PCDHGB6: variants seen among roughly 807,000 people sequenced by gnomAD.
PCDHGB6 encodes the protein protocadherin gamma-B6.
PCDHGB6 carries 51 observed loss-of-function variants against 59.1 expected under a neutral mutation model. The ratio of observed to expected loss-of-function variants is 0.86; its 90% CI spans 0.69 to 1.09. The LOEUF (loss-of-function observed/expected upper bound fraction) is 1.09. Ranked by LOEUF, PCDHGB6 falls within the 50% of genes least tolerant of loss-of-function variation. The probability of loss-of-function intolerance (pLI) is 0.00; values close to 1 mark genes in which losing one functional copy is unlikely to be tolerated. For missense variants in PCDHGB6, 1,148 were observed against 1,205.1 expected (o/e 0.95, Z 0.70); for synonymous variants, 466 against 495.1 (o/e 0.94, Z 0.78).
At position 141,485,135 on chromosome 5, in the gene PCDHGB6, G is replaced by A; in HGVS notation, c.2419-9672G>A. 6.7e-7 allele frequency: 1 copy of A among 1,500,498 alleles called. No individual in the cohort carries two copies. Among genetic ancestry groups the A allele is most frequent in the East Asian group, 2.3e-5 (1 of 44,254 alleles). 92.9% of individuals were successfully genotyped at this position (1,500,498 alleles called of 1,614,324 possible). A position where few individuals can be genotyped will look rare whatever the true frequency, so the allele number is the denominator to read the frequency against. On this transcript the variant is annotated intron_variant, in intron 1 of 3. Coordinates refer to ENST00000520790, the MANE Select transcript of PCDHGB6 (RefSeq NM_018926.3). The surrounding 1 kb of genome is among the most constrained non-coding windows in gnomAD (Gnocchi z 5.7). ...TGTTTGGGGCGGGTCGGCTTCATCCGCGTCTCAGGAGCAAGTAGAGAATTA... is the reference window on the plus strand; with the variant it reads ...TGTTTGGGGCGGGTCGGCTTCATCCACGTCTCAGGAGCAAGTAGAGAATTA...
intron 1 of PCDHGB6, chr5:141,484,875 T>G: frequency 3.2e-6 from 1 of 317,108 alleles, no homozygotes; most frequent in Non-Finnish European, 5.8e-6. Context: ...GCGTGGAGGA[T>G]AGGGTGGGCT....
intron 1 of PCDHGB6, among the ~76,000 whole-genome samples, chr5:141,484,319 C>T (rs1191113560): frequency 6.6e-6 from 1 of 152,212 alleles, no homozygotes; most frequent in Non-Finnish European, 1.5e-5. Context: ...CGCTTCCATA[C>T]TGTCCTTGAA....
intron 2 of PCDHGB6, among the ~76,000 whole-genome samples, chr5:141,500,027 G>C (rs1458308566): frequency 6.6e-6 from 1 of 151,808 alleles, no homozygotes; most frequent in Non-Finnish European, 1.5e-5. Flanking sequence ...ATATTTGAGT[G>C]AGTGTCTCTT....
At chr5:141,416,761 C>G (rs1371541017) in intron 1 of PCDHGB6, 2 of 152,140 alleles carry the variant, frequency 1.3e-5, no homozygotes, top group Non-Finnish European at 2.9e-5. Context: ...AGGTAGATCT[C>G]TTAATTTTAT....
chr5:141,431,724 T>G lies in PCDHGB6; in HGVS notation c.2418+21104T>G, dbSNP rs758754345. On this transcript the variant is annotated intron_variant, in intron 1 of 3. Transcript: ENST00000520790. The surrounding 1 kb of genome is among the most constrained non-coding windows in gnomAD (Gnocchi z 4.8). ...TTCTACCAGATGGAAGTGCAAGCAA[T>G]GGATAATGCAGGATATTCTGCGCGA... 1 of 1,614,036 alleles carries G rather than the reference T, an allele frequency of 6.2e-7. No individual in the cohort carries two copies. Among genetic ancestry groups the G allele is most frequent in the Non-Finnish European group, 8.5e-7 (1 of 1,180,036 alleles).
rs192747939 is a variant in PCDHGB6 at position 141,487,483 on chromosome 5, T to C, written c.2419-7324T>C. 12 of 1,614,224 alleles carry C rather than the reference T, an allele frequency of 7.4e-6. No individual in the cohort carries two copies. In the Admixed American group the frequency reaches 1.8e-4, roughly 25 times the overall value. On this transcript the variant is annotated intron_variant, in intron 1 of 3. Coordinates refer to ENST00000520790, the MANE Select transcript of PCDHGB6 (RefSeq NM_018926.3). This position sits in a 1 kb window ranked among gnomAD's most constrained non-coding sequence, Gnocchi z 5.0. ...TTGTTGATGTGGGAGGCCACTCTCA[T>C]GGCTGTACACCCTTGGCTTCTGCAC... is the stretch of plus-strand genomic sequence containing the variant.
chr5:141,447,966 A>C (rs2098556806), intron 1 of PCDHGB6, among the ~76,000 whole-genome samples: 1 of 151,922 alleles, frequency 6.6e-6, no homozygotes, highest in Non-Finnish European at 1.5e-5. Context: ...GACACCTATA[A>C]TCCCAGCTAC....
chr5:141,458,972 GTCC>G (rs2154566422), intron 1 of PCDHGB6, among the ~76,000 whole-genome samples: 1 of 151,882 alleles, frequency 6.6e-6, no homozygotes, highest in East Asian at 1.9e-4. Context: ...GCCTCAAGCA[GTCC>G]TCCTGCCTCA....
intron 1 of PCDHGB6, among the ~76,000 whole-genome samples, chr5:141,457,938 G>A (rs915640623): frequency 6.6e-6 from 1 of 152,160 alleles, no homozygotes; most frequent in African/African-American, 2.4e-5. Flanking sequence ...GCTTTTATTG[G>A]CTCTGCATGT....
chr5:141,455,876 TTTA>T (rs1271603055), intron 1 of PCDHGB6, among the ~76,000 whole-genome samples: 2 of 146,624 alleles, frequency 1.4e-5, no homozygotes, highest in Non-Finnish European at 1.5e-5. Context: ...TATTTATTTA[TTTA>T]TTTATTTATT....
At chr5:141,502,697 T>C (rs893610041) in intron 2 of PCDHGB6, among the ~76,000 whole-genome samples, 13 of 152,208 alleles carry the variant, frequency 8.5e-5, no homozygotes, top group African/African-American at 3.1e-4. Context: ...CTTGCCTGTA[T>C]CTGTTTTTAC....
intron 1 of PCDHGB6, among the ~76,000 whole-genome samples, chr5:141,466,449 T>C (rs2154569205): frequency 6.6e-6 from 1 of 152,358 alleles, no homozygotes; most frequent in Admixed American, 6.5e-5. Flanking sequence ...ATGTCTATGG[T>C]GTTGGCTATT....
rs1454570616 is a variant in PCDHGB6, at chr5:141,408,469, A to G, written c.267A>G (p.Arg89=). The G allele has an allele frequency of 1.2e-6, 2 of 1,614,078 alleles. No individual in the cohort carries two copies. The highest frequency in any genetic ancestry group is 2.2e-5 in the South Asian group (2 of 91,086). Residue 89 remains arginine, a synonymous_variant, in exon 1 of 4, where the codon CGA becomes CGG. Coordinates refer to ENST00000520790, the MANE Select transcript of PCDHGB6 (RefSeq NM_018926.3). ...GCGGGGACTTACTTGTGAAGAACCG[A>G]ATAGACCGTGAGCAAATATGCAAAG... ...AESGDLLVKN[R]IDREQICKER... is the part of the protein sequence containing the mutation.
In PCDHGB6 at chr5:141,433,837, CA is replaced by C. The variant is rs56191208; in HGVS notation, c.2418+23235del. ...GGGCAACAAGAGTGAAACTCTATCT[CA>C]AAAAAAAAAAAAAAAAACTTTATCC... On this transcript the variant is annotated intron_variant, in intron 1 of 3. Coordinates refer to ENST00000520790, the MANE Select transcript of PCDHGB6 (RefSeq NM_018926.3). Among the ~76,000 whole-genome samples, 895 of 111,670 alleles carry C rather than the reference CA, an allele frequency of 8.0e-3. 6 individuals carry two copies. Among genetic ancestry groups the C allele is most frequent in the South Asian group, 0.02 (67 of 3,288 alleles). The allele number at this position is 111,670 out of a possible 152,430, so 73.3% of individuals were successfully genotyped here. A position where few individuals can be genotyped will look rare whatever the true frequency, so the allele number is the denominator to read the frequency against.
chr5:141,413,036 T>TGGGCTGCA, intron 1 of PCDHGB6: 1 of 805,900 alleles, frequency 1.2e-6, no homozygotes, highest in Non-Finnish European at 1.9e-6. Flanking sequence ...AACCGGCTGC[T>TGGGCTGCA]GGGCTGCAGG....
intron 1 of PCDHGB6, chr5:141,421,579 T>G (rs753573473): frequency 1.9e-6 from 3 of 1,613,816 alleles, no homozygotes; most frequent in Non-Finnish European, 2.5e-6. Context: ...CTTGAAGATT[T>G]ACGGAGTGGA....
chr5:141,488,846 C>T (rs1359759383), intron 1 of PCDHGB6, among the ~76,000 whole-genome samples: 1 of 152,174 alleles, frequency 6.6e-6, no homozygotes, highest in African/African-American at 2.4e-5. Flanking sequence ...GCTGAATCAA[C>T]CTGCAGCACG....
intron 2 of PCDHGB6, among the ~76,000 whole-genome samples, chr5:141,495,507 C>T (rs1380258502): frequency 6.6e-6 from 1 of 152,188 alleles, no homozygotes; most frequent in African/African-American, 2.4e-5. Context: ...TCCGTCTTTG[C>T]CACTTTCTCT....
At chr5:141,428,750 C>G (rs1282306626) in intron 1 of PCDHGB6, 1 of 154,730 alleles carries the variant, frequency 6.5e-6, no homozygotes, top group African/African-American at 2.4e-5. Flanking sequence ...ACTATTGCTT[C>G]AGGTTTGTTT....
Sources: gnomAD v4.1 joint callset for allele counts (sites outside exome capture counted in the v4.1 genomes callset) on GRCh38, gnomAD v4.1.1 for gene constraint, Gnocchi (gnomAD v3.1) non-coding constraint, MANE v1.5 for transcripts, NCBI Gene and HGNC (gene_info 2026-07-23, HGNC 2026-07-21) for gene names.